The following NR3C1 variants were observed in gnomAD, a reference collection of about 807,000 sequenced individuals.
NR3C1 encodes the protein nuclear receptor subfamily 3 group C member 1, also known as glucocorticoid receptor.
NR3C1 carries 14 observed loss-of-function variants against 74.0 expected under a neutral mutation model. The ratio of observed to expected loss-of-function variants is 0.19; its 90% CI spans 0.12 to 0.30. NR3C1 has a LOEUF of 0.30. NR3C1 is among the 10% of genes least tolerant of loss of function. The pLI is 1.00. For missense variants in NR3C1, 695 were observed against 909.8 expected, an observed-to-expected ratio of 0.76 and a Z score of 3.04; for synonymous variants, 308 against 332.5, an observed-to-expected ratio of 0.93 and a Z score of 0.80.
chr5:143,323,192 C>G lies in NR3C1; in HGVS notation c.1185-9024G>C, dbSNP rs567394630. ...ACGCTCCCTGCCGGTTAGTCCCTTA[C>G]TAGCCATCTGTATTAGTTGTTTTCA... On this transcript the variant is annotated intron_variant, in intron 2 of 8. Coordinates refer to ENST00000394464, the MANE Select transcript of NR3C1 (RefSeq NM_000176.3). Among the ~76,000 whole-genome samples the G allele has an allele frequency of 9.2e-5, 14 of 152,320 alleles. 1 individual carries two copies. The South Asian group carries it at 2.7e-3, about 29-fold the overall frequency.
intron 2 of NR3C1, among the ~76,000 whole-genome samples, chr5:143,341,010 A>T (rs933122182): frequency 1.3e-5 from 2 of 152,108 alleles, no homozygotes; most frequent in Non-Finnish European, 2.9e-5. Context: ...AATATGAATA[A>T]TGAAGGTAGC....
chr5:143,317,576 T>C (rs1822412918), intron 2 of NR3C1, among the ~76,000 whole-genome samples: 1 of 152,102 alleles, frequency 6.6e-6, no homozygotes, highest in African/African-American at 2.4e-5. Flanking sequence ...GCAAATGTAG[T>C]AGAAACCGAA....
chr5:143,343,954 T>C (rs1309871389), intron 2 of NR3C1, among the ~76,000 whole-genome samples: 1 of 152,210 alleles, frequency 6.6e-6, no homozygotes, highest in Non-Finnish European at 1.5e-5. Context: ...AATTAATTTA[T>C]AAAAAGAATA....
chr5:143,288,871 C>T (rs550565393), intron 7 of NR3C1, among the ~76,000 whole-genome samples: 42 of 151,584 alleles, frequency 2.8e-4, no homozygotes, highest in African/African-American at 8.5e-4. Context: ...TTTGGGAGGC[C>T]GAGGTGGGTG....
exon 1 of NR3C1, chr5:143,434,793 G>C (rs1296196749): frequency 1.0e-6 from 1 of 985,312 alleles, no homozygotes. Flanking sequence ...TGCTCTGAGA[G>C]CACCAGAATG....
intron 1 of NR3C1, chr5:143,402,627 C>T (rs1219234905): frequency 2.0e-6 from 2 of 985,484 alleles, no homozygotes; most frequent in Non-Finnish European, 2.4e-6. Context: ...TCCGACACGC[C>T]CACTTCTAAC....
chr5:143,305,612 C>T (rs759538235), intron 4 of NR3C1, among the ~76,000 whole-genome samples: 12 of 152,120 alleles, frequency 7.9e-5, no homozygotes, highest in East Asian at 1.9e-4. Flanking sequence ...ATGTAGCAGG[C>T]GGCCAGTATC....
intron 2 of NR3C1, among the ~76,000 whole-genome samples, chr5:143,363,898 CAG>C (rs1482143986): frequency 6.6e-6 from 1 of 152,034 alleles, no homozygotes; most frequent in Non-Finnish European, 1.5e-5. Context: ...GACAGAGTCT[CAG>C]AGACTTCTGG....
intron 2 of NR3C1, among the ~76,000 whole-genome samples, chr5:143,337,358 A>G (rs937793471): frequency 6.6e-6 from 1 of 152,216 alleles, no homozygotes; most frequent in Non-Finnish European, 1.5e-5. Flanking sequence ...TGACAATAAG[A>G]TGTGTCCTGA....
chr5:143,362,437 G>A (rs959727615), intron 2 of NR3C1, among the ~76,000 whole-genome samples: 7 of 149,588 alleles, frequency 4.7e-5, no homozygotes, highest in African/African-American at 7.4e-5. Flanking sequence ...CTCGGCTCAC[G>A]GCAAGCTCCA....
rs376758541 is a variant in NR3C1, at chr5:143,333,073, T to C, written c.1185-18905A>G. 1.5e-3 allele frequency: 2,400 copies of C among 1,594,700 alleles called. 65 individuals are homozygous for C. The South Asian group carries it at 0.025, about 16-fold the overall frequency. ...TGCTTGGAAGACCTCATTCATGAAA[T>C]TGCCTTCCCAGGGAAGCATTTCCAG... On this transcript the variant is annotated intron_variant, in intron 2 of 8. Transcript: ENST00000394464.
intron 2 of NR3C1, among the ~76,000 whole-genome samples, chr5:143,394,940 T>C (rs1600555342): frequency 6.6e-6 from 1 of 151,912 alleles, no homozygotes; most frequent in East Asian, 1.9e-4. Flanking sequence ...CCCCAATTAA[T>C]TCATGAACTC....
At chr5:143,434,855 C>T (rs778976667) in exon 1 of NR3C1, 1 of 985,362 alleles carries the variant, frequency 1.0e-6, no homozygotes, top group Non-Finnish European at 1.2e-6. Flanking sequence ...AAGCCAGCTA[C>T]ACAACTCTTG....
At chr5:143,323,535 T>C (rs1227835331) in intron 2 of NR3C1, among the ~76,000 whole-genome samples, 2 of 152,020 alleles carry the variant, frequency 1.3e-5, no homozygotes, top group Non-Finnish European at 2.9e-5. Context: ...CAAGTTGAGA[T>C]TAGGGTGGGG....
At chr5:143,313,972 G>A (rs772806529) in intron 3 of NR3C1, 30 bp downstream of exon 3, 1 of 1,610,984 alleles carries the variant, frequency 6.2e-7, no homozygotes, top group Middle Eastern at 1.7e-4. Flanking sequence ...CCAAGTAGAG[G>A]AAAAATAAAC....
chr5:143,355,550 T>C (rs1830982370), intron 2 of NR3C1, among the ~76,000 whole-genome samples: 1 of 152,128 alleles, frequency 6.6e-6, no homozygotes, highest in South Asian at 2.1e-4. Flanking sequence ...CTAAATATCA[T>C]ATAACATTTT....
intron 1 of NR3C1, among the ~76,000 whole-genome samples, chr5:143,411,632 T>G (rs536208891): frequency 2.6e-5 from 4 of 152,326 alleles, no homozygotes; most frequent in African/African-American, 9.6e-5. Context: ...ACTGAAATGG[T>G]TCTGTGAAAA....
chr5:143,400,897 T>G, intron 1 of NR3C1, 45 bp from the exon 2 acceptor site: 5 of 1,407,210 alleles, frequency 3.6e-6, no homozygotes, highest in Non-Finnish European at 4.0e-6. Flanking sequence ...TCATAAGCTC[T>G]AAAGTCACAT....
chr5:143,312,764 T>A (rs1313045603), intron 3 of NR3C1, among the ~76,000 whole-genome samples: 20 of 152,208 alleles, frequency 1.3e-4, no homozygotes, highest in Admixed American at 6.5e-4. Context: ...TCACTGCATT[T>A]ATATCGTGGA....
Sources: allele counts gnomAD v4.1 joint callset (sites outside exome capture counted in the v4.1 genomes callset), GRCh38; gene constraint gnomAD v4.1.1; transcripts MANE v1.5; gene names NCBI Gene and HGNC (gene_info 2026-07-23, HGNC 2026-07-21).